The following STON2 variants were observed in gnomAD, a reference collection of about 807,000 sequenced individuals.
STON2 encodes stonin 2, also known as stonin-2.
A neutral mutation model predicts 65.7 loss-of-function variants in STON2; 29 were observed. The observed-to-expected ratio is 0.44, with a 90% confidence interval of 0.33 to 0.60. The LOEUF is 0.60. STON2 is among the 20% of genes least tolerant of loss of function. The pLI is 0.03. For missense variants in STON2, 1,054 were observed against 1,118.1 expected (o/e 0.94, Z 0.82); for synonymous variants, 404 against 414.2 (o/e 0.98, Z 0.30).
In STON2 at chr14:81,278,125, A is replaced by C; in HGVS notation, c.1357T>G (p.Phe453Val). 6.2e-7 allele frequency: 1 copy of C among 1,614,222 alleles called. No homozygotes were observed. Among genetic ancestry groups the C allele is most frequent in the Non-Finnish European group, 8.5e-7 (1 of 1,180,032 alleles). The change falls in exon 6 of 8, where the codon TTT becomes GTT. Residue 453 changes from phenylalanine to valine, a missense_variant. Phe to Val is a conservative substitution (Grantham distance 50). Coordinates refer to ENST00000614646, the MANE Select transcript of STON2 (RefSeq NM_001394390.1). The stretch of plus-strand genomic sequence containing the variant: ...TCATCAGGTAGAGTTGCACTGCCAA[A>C]GTGATCAGGGTCATCAATTTGGAGT... Reference protein sequence around the residue: ...KQLQIDDPDHFGSATLPDDDP... With the variant: ...KQLQIDDPDHVGSATLPDDDP...
intron 5 of STON2, among the ~76,000 whole-genome samples, chr14:81,300,260 T>G (rs1895920939): frequency 6.6e-6 from 1 of 151,900 alleles, no homozygotes; most frequent in African/African-American, 2.4e-5. Flanking sequence ...ACCTTTACCC[T>G]TCCTTCTCTC....
chr14:81,435,329 A>T (rs924399758), intron 1 of STON2, among the ~76,000 whole-genome samples: 1 of 152,228 alleles, frequency 6.6e-6, no homozygotes, highest in Non-Finnish European at 1.5e-5. Flanking sequence ...CAGTTTGGAC[A>T]CGTCTGATTT....
chr14:81,405,414 T>G (rs2139839555), intron 2 of STON2, among the ~76,000 whole-genome samples: 1 of 151,406 alleles, frequency 6.6e-6, no homozygotes, highest in Non-Finnish European at 1.5e-5. Context: ...TTAAAGACTT[T>G]GCCTGCTAAA....
At chr14:81,397,726 CCTT>C (rs1322878877) in intron 2 of STON2, among the ~76,000 whole-genome samples, 1 of 152,170 alleles carries the variant, frequency 6.6e-6, no homozygotes, top group African/African-American at 2.4e-5. Flanking sequence ...TAGTCATCCT[CCTT>C]ATGATCAAGG....
At chr14:81,425,504 A>C (rs1901922165) in intron 2 of STON2, among the ~76,000 whole-genome samples, 1 of 152,074 alleles carries the variant, frequency 6.6e-6, no homozygotes, top group African/African-American at 2.4e-5. Flanking sequence ...TTCAGGAGGC[A>C]GAGATTGCAG....
rs777442944 is a variant in STON2 at position 81,262,651 on chromosome 14, G to A, written c.*5763C>T. On this transcript the variant is annotated 3_prime_UTR_variant, in exon 8 of 8. Transcript: ENST00000614646. ...TCCAGGCACTACCAAACTCATTACT[G>A]TGGATAGTTTCTGCCTTTACAGGCT... 7.0e-5 allele frequency: 69 copies of A among 985,026 alleles called. No homozygotes were observed. The highest frequency in any genetic ancestry group is 8.2e-5 in the Non-Finnish European group (68 of 829,860). 61.0% of individuals were successfully genotyped at this position (985,026 alleles called of 1,614,324 possible).
At chr14:81,293,448 A>G (rs955203751) in intron 5 of STON2, among the ~76,000 whole-genome samples, 1 of 152,136 alleles carries the variant, frequency 6.6e-6, no homozygotes, top group Admixed American at 6.6e-5. Flanking sequence ...CTGGGATTAC[A>G]GGCGTGAGTC....
intron 5 of STON2, among the ~76,000 whole-genome samples, chr14:81,311,725 T>C (rs1358057855): frequency 1.3e-5 from 2 of 152,208 alleles, no homozygotes; most frequent in Non-Finnish European, 2.9e-5. Flanking sequence ...TAAAATGTTA[T>C]TTATTTCCCA....
intron 5 of STON2, among the ~76,000 whole-genome samples, chr14:81,284,749 TCAA>T (rs1895268018): frequency 6.6e-6 from 1 of 152,192 alleles, no homozygotes; most frequent in African/African-American, 2.4e-5. Flanking sequence ...TAGAGAAAAG[TCAA>T]TGCCTGGCTT....
At chr14:81,293,031 C>A (rs1895620445) in intron 5 of STON2, among the ~76,000 whole-genome samples, 1 of 152,154 alleles carries the variant, frequency 6.6e-6, no homozygotes, top group South Asian at 2.1e-4. Flanking sequence ...GGTGCACCAT[C>A]CATGATGCAT....
chr14:81,334,529 C>CT (rs147400245), intron 4 of STON2, among the ~76,000 whole-genome samples: 1,889 of 152,220 alleles, frequency 0.012, 36 homozygotes, highest in African/African-American at 0.043. Flanking sequence ...AATTTTAGGC[C>CT]CAGGCAAGCT....
At chr14:81,274,937 AC>A (rs1156416300) in intron 6 of STON2, among the ~76,000 whole-genome samples, 1 of 152,040 alleles carries the variant, frequency 6.6e-6, no homozygotes, top group Non-Finnish European at 1.5e-5. Flanking sequence ...ACACAAAAAA[AC>A]AAAAACAAAA....
chr14:81,283,530 ATTTTTTT>A (rs10653687), intron 5 of STON2, among the ~76,000 whole-genome samples: 2 of 128,906 alleles, frequency 1.6e-5, no homozygotes, highest in Non-Finnish European at 3.2e-5. Flanking sequence ...CAGATACTGC[ATTTTTTT>A]TTTTTTTTTT....
At chr14:81,269,153 G>A (rs975265493) in intron 7 of STON2, 10 of 182,300 alleles carry the variant, frequency 5.5e-5, no homozygotes, top group East Asian at 1.9e-4. Context: ...TTACAGGCAC[G>A]CACCACTGCG....
intron 5 of STON2, among the ~76,000 whole-genome samples, chr14:81,317,985 A>G (rs2140233728): frequency 6.6e-6 from 1 of 150,500 alleles, no homozygotes; most frequent in South Asian, 2.1e-4. Context: ...TGTGTTTTTT[A>G]GGCGGAGTCT....
chr14:81,340,280 G>C (rs958156505), intron 4 of STON2, among the ~76,000 whole-genome samples: 6 of 152,168 alleles, frequency 3.9e-5, no homozygotes, highest in Admixed American at 3.9e-4. Context: ...CAGAGCAGTG[G>C]GTGCTTAGGG....
At chr14:81,298,922 C>T (rs1169049547) in intron 5 of STON2, among the ~76,000 whole-genome samples, 2 of 152,158 alleles carry the variant, frequency 1.3e-5, no homozygotes, top group African/African-American at 4.8e-5. Flanking sequence ...AAACACAATT[C>T]ATCCATGTCA....
intron 4 of STON2, among the ~76,000 whole-genome samples, chr14:81,366,056 T>C (rs1040655478): frequency 1.6e-4 from 24 of 152,200 alleles, no homozygotes; most frequent in Admixed American, 1.1e-3. Flanking sequence ...GGATTTTGCC[T>C]ATTAACAATT....
Position 81,265,013 on chromosome 14 carries a change from A to T in STON2, c.*3401T>A. The stretch of plus-strand genomic sequence containing the variant: ...TTATGTTCTAAGAGTAATACTATGT[A>T]CTGGTAAAATGAATTCATTTTTAAT... On this transcript the variant is annotated 3_prime_UTR_variant, in exon 8 of 8. Coordinates refer to ENST00000614646, the MANE Select transcript of STON2 (RefSeq NM_001394390.1). 1 of 980,696 alleles carries T rather than the reference A, an allele frequency of 1.0e-6. No individual in the cohort carries two copies. Among genetic ancestry groups the T allele is most frequent in the Non-Finnish European group, 1.2e-6 (1 of 825,728 alleles). The allele number at this position is 980,696 out of a possible 1,614,324, so 60.7% of individuals were successfully genotyped here. A position where few individuals can be genotyped will look rare whatever the true frequency, so the allele number is the denominator to read the frequency against.
Sources: gnomAD v4.1 joint callset for allele counts (sites outside exome capture counted in the v4.1 genomes callset) on GRCh38, gnomAD v4.1.1 for gene constraint, MANE v1.5 for transcripts, NCBI Gene and HGNC (gene_info 2026-07-23, HGNC 2026-07-21) for gene names.